The following DPP10 variants were observed in gnomAD, a reference collection of about 807,000 sequenced individuals.
The protein encoded by DPP10 is inactive dipeptidyl peptidase 10.
A neutral mutation model predicts 120.9 loss-of-function variants in DPP10; 33 were observed. That is an observed-to-expected ratio of 0.27 (90% CI 0.21 to 0.37). DPP10 has a LOEUF of 0.37. Ranked by LOEUF, DPP10 falls within the 10% of genes least tolerant of loss-of-function variation. The pLI is 1.00. For missense variants in DPP10, 816 were observed against 942.8 expected, an observed-to-expected ratio of 0.87 and a Z score of 1.76; for synonymous variants, 337 against 326.1, an observed-to-expected ratio of 1.03 and a Z score of -0.36.
chr2:115,243,714 C>T (rs2058393227), intron 1 of DPP10, among the ~76,000 whole-genome samples: 1 of 151,864 alleles, frequency 6.6e-6, no homozygotes, highest in South Asian at 2.1e-4. Flanking sequence ...ATCATGATGT[C>T]CATTAGCTCA....
intron 1 of DPP10, among the ~76,000 whole-genome samples, chr2:114,843,127 A>G (rs753824944): frequency 5.9e-5 from 9 of 152,286 alleles, no homozygotes; most frequent in Non-Finnish European, 7.4e-5. Context: ...GGCATTTGCC[A>G]TCTTAATTTA....
chr2:115,840,427 C>T (rs1451082528), intron 24 of DPP10, among the ~76,000 whole-genome samples: 1 of 149,100 alleles, frequency 6.7e-6, no homozygotes, highest in African/African-American at 2.5e-5. Flanking sequence ...CGGGTTCACG[C>T]CATTCTCCTG....
intron 2 of DPP10, among the ~76,000 whole-genome samples, chr2:115,323,671 G>T (rs2062183819): frequency 1.3e-5 from 2 of 152,192 alleles, no homozygotes; most frequent in South Asian, 4.1e-4. Flanking sequence ...GTAGGCTGCA[G>T]AATGGATGTT....
chr2:115,227,648 T>C (rs1032348833), intron 1 of DPP10, among the ~76,000 whole-genome samples: 5 of 152,144 alleles, frequency 3.3e-5, no homozygotes, highest in African/African-American at 1.2e-4. Flanking sequence ...CAGATTGTTA[T>C]ATAAATAAAA....
chr2:115,060,593 A>T (rs1573467386), intron 1 of DPP10, among the ~76,000 whole-genome samples: 1 of 152,300 alleles, frequency 6.6e-6, no homozygotes, highest in Non-Finnish European at 1.5e-5. Flanking sequence ...TCCTGTCTCA[A>T]ATTGATAGAT....
At chr2:114,955,819 T>A (rs1242777079) in intron 1 of DPP10, among the ~76,000 whole-genome samples, 1 of 152,190 alleles carries the variant, frequency 6.6e-6, no homozygotes, top group Non-Finnish European at 1.5e-5. Flanking sequence ...TGATACATTG[T>A]GTTAATAGAA....
At chr2:114,722,074 A>G (rs1324992578) in intron 1 of DPP10, among the ~76,000 whole-genome samples, 2 of 152,178 alleles carry the variant, frequency 1.3e-5, no homozygotes, top group African/African-American at 4.8e-5. Flanking sequence ...ATCTTATATG[A>G]GGGAGGTAAG....
intron 1 of DPP10, among the ~76,000 whole-genome samples, chr2:115,045,596 T>C (rs1705004062): frequency 6.6e-6 from 1 of 152,174 alleles, no homozygotes; most frequent in Non-Finnish European, 1.5e-5. Flanking sequence ...ATCACTGCAC[T>C]CACCCTCTCT....
intron 3 of DPP10, among the ~76,000 whole-genome samples, chr2:115,483,479 C>CTATCTATCTATCTATACCTGTATG (rs3980957): frequency 6.9e-6 from 1 of 144,072 alleles, no homozygotes; most frequent in Admixed American, 7.1e-5. Flanking sequence ...ATCTATCTAT[C>CTATCTATCTATCTATACCTGTATG]TGTATGTGTA....
chr2:115,157,777 C>T (rs1477401553), intron 1 of DPP10, among the ~76,000 whole-genome samples: 1 of 152,200 alleles, frequency 6.6e-6, no homozygotes, highest in Non-Finnish European at 1.5e-5. Context: ...GGGCATATTT[C>T]AGGCCAAGTC....
chr2:115,156,763 A>T (rs2051942119), intron 1 of DPP10, among the ~76,000 whole-genome samples: 2 of 152,238 alleles, frequency 1.3e-5, no homozygotes, highest in South Asian at 4.1e-4. Context: ...TTTATTCATC[A>T]CAGGCAGACA....
intron 3 of DPP10, among the ~76,000 whole-genome samples, chr2:115,376,497 C>T (rs2065804588): frequency 6.6e-6 from 1 of 151,522 alleles, no homozygotes. Flanking sequence ...TTGAATTTCA[C>T]CAGTGGACAC....
At chr2:114,810,040 G>C (rs1030087508) in intron 1 of DPP10, among the ~76,000 whole-genome samples, 5 of 152,080 alleles carry the variant, frequency 3.3e-5, no homozygotes, top group Non-Finnish European at 5.9e-5. Context: ...CCAACTAAAT[G>C]AGATTTTGAC....
At chr2:115,371,231 TG>T (rs1299416373) in intron 3 of DPP10, among the ~76,000 whole-genome samples, 1 of 152,160 alleles carries the variant, frequency 6.6e-6, no homozygotes, top group Non-Finnish European at 1.5e-5. Flanking sequence ...TTTTACATTT[TG>T]ATTTTCAAGT....
At chr2:115,540,264 CTACT>C (rs1225567743) in intron 5 of DPP10, among the ~76,000 whole-genome samples, 1 of 151,872 alleles carries the variant, frequency 6.6e-6, no homozygotes, top group Non-Finnish European at 1.5e-5. Flanking sequence ...ATGCTTAATT[CTACT>C]TACTTAAACT....
intron 21 of DPP10, among the ~76,000 whole-genome samples, chr2:115,817,843 C>G (rs746417809): frequency 3.3e-5 from 5 of 151,728 alleles, no homozygotes; most frequent in Non-Finnish European, 7.4e-5. Flanking sequence ...AGGACAAATA[C>G]TGTATAATTC....
chr2:115,301,742 T>G (rs2061146302), intron 1 of DPP10, among the ~76,000 whole-genome samples: 1 of 151,988 alleles, frequency 6.6e-6, no homozygotes, highest in Non-Finnish European at 1.5e-5. Flanking sequence ...TTGTTTGTAT[T>G]TTGTCTTTTT....
chr2:114,463,242 A>G (rs976637755), intron 1 of DPP10, among the ~76,000 whole-genome samples: 3 of 152,178 alleles, frequency 2.0e-5, no homozygotes, highest in Non-Finnish European at 4.4e-5. Flanking sequence ...TTAAATATTT[A>G]AGCATGAGTT....
At chr2:115,491,932 C>T (rs998836462) in intron 3 of DPP10, among the ~76,000 whole-genome samples, 2 of 152,084 alleles carry the variant, frequency 1.3e-5, no homozygotes, top group Middle Eastern at 3.4e-3. Context: ...CTAAACTGAC[C>T]CAGCAGGATT....
Sources: gnomAD v4.1 joint callset for allele counts (sites outside exome capture counted in the v4.1 genomes callset) on GRCh38, gnomAD v4.1.1 for gene constraint, MANE v1.5 for transcripts, NCBI Gene and HGNC (gene_info 2026-07-23, HGNC 2026-07-21) for gene names.